Variants in CACNA1I observed in about 807,000 individuals in gnomAD.
The protein encoded by CACNA1I is calcium voltage-gated channel subunit alpha1 I, also known as voltage-dependent T-type calcium channel subunit alpha-1I.
A neutral mutation model predicts 201.6 loss-of-function variants in CACNA1I; 74 were observed. That is an observed-to-expected ratio of 0.37 (90% CI 0.30 to 0.45). CACNA1I has a LOEUF of 0.45. CACNA1I is among the 20% of genes least tolerant of loss of function. CACNA1I has a pLI of 1.00. For missense variants in CACNA1I, 2,346 were observed against 3,138.1 expected (o/e 0.75, Z 6.03); for synonymous variants, 1,431 against 1,345.2 (o/e 1.06, Z -1.40).
chr22:39,673,192 A>C (rs1257207076), intron 28 of CACNA1I, 110 bp downstream of exon 28: 1 of 1,120,850 alleles, frequency 8.9e-7, no homozygotes, highest in Non-Finnish European at 1.3e-6. Context: ...TGGGGGCAGG[A>C]GTTTGCAGGC....
At chr22:39,618,277 C>T (rs1248531107) in intron 3 of CACNA1I, among the ~76,000 whole-genome samples, 2 of 145,342 alleles carry the variant, frequency 1.4e-5, no homozygotes, top group Admixed American at 6.8e-5. Context: ...AAGTGTGTGA[C>T]TGTGTGTGTG....
intron 18 of CACNA1I, 67 bp downstream of exon 18, chr22:39,662,943 A>T (rs1055194174): frequency 9.2e-7 from 1 of 1,086,720 alleles, no homozygotes; most frequent in South Asian, 1.3e-5. Flanking sequence ...GATCTCTGCC[A>T]AGCCAGGCAA....
At chr22:39,631,788 T>C (rs1206403479) in intron 4 of CACNA1I, among the ~76,000 whole-genome samples, 1 of 152,210 alleles carries the variant, frequency 6.6e-6, no homozygotes, top group East Asian at 1.9e-4. Context: ...CTGGCCAACC[T>C]GTCTTGGCTA....
chr22:39,657,130 C>T (rs768494364), intron 10 of CACNA1I, among the ~76,000 whole-genome samples: 2 of 152,224 alleles, frequency 1.3e-5, no homozygotes, highest in South Asian at 2.1e-4. Context: ...AAACCAAACC[C>T]GGACCCCTCC....
rs180850399 is a variant in CACNA1I at position 39,588,651 on chromosome 22, C to T, written c.237-9500C>T. Among the ~76,000 whole-genome samples, 47 of 152,250 alleles carry T rather than the reference C, an allele frequency of 3.1e-4. No individual in the cohort carries two copies. In the East Asian group the frequency reaches 6.0e-3, roughly 19 times the overall value. On this transcript the variant is annotated intron_variant, in intron 1 of 36. Transcript: ENST00000402142. ...CCGCCTGCCTCAGCCTCCCAAAGTG[C>T]TGGGATTACAGGCGTGAGCCACTGC...
chr22:39,638,904 A>C (rs923916652), intron 5 of CACNA1I, among the ~76,000 whole-genome samples: 20 of 152,182 alleles, frequency 1.3e-4, no homozygotes, highest in Non-Finnish European at 2.4e-4. Context: ...GAAGTTCACA[A>C]TAGGGTTCGT....
In CACNA1I at chr22:39,689,380, C is replaced by T. The variant is rs1291079455; in HGVS notation, c.*2975C>T. ...AGAGCCTTCCGCTTCCAGGGCCAAC[C>T]CCAGCCCCGTTTGCTGCGTTGTGTA... On this transcript the variant is annotated 3_prime_UTR_variant, in exon 37 of 37. Coordinates refer to ENST00000402142, the MANE Select transcript of CACNA1I (RefSeq NM_021096.4). 1.3e-5 allele frequency: 2 copies of T among 152,812 alleles called. No individual in the cohort carries two copies. Among genetic ancestry groups the T allele is most frequent in the Non-Finnish European group, 2.9e-5 (2 of 68,128 alleles). 9.5% of individuals were successfully genotyped at this position (152,812 alleles called of 1,614,324 possible). A position where few individuals can be genotyped will look rare whatever the true frequency, so the allele number is the denominator to read the frequency against.
chr22:39,571,246 T>C (rs1932173793), intron 1 of CACNA1I: 4 of 540,308 alleles, frequency 7.4e-6, no homozygotes, highest in Non-Finnish European at 1.3e-5. Context: ...GCTGGCTGGC[T>C]CAGAAAGTCC....
In CACNA1I at chr22:39,684,246, G is replaced by C; in HGVS notation, c.5831-56G>C. On this transcript the variant is annotated intron_variant, in intron 35 of 36. Coordinates refer to ENST00000402142, the MANE Select transcript of CACNA1I (RefSeq NM_021096.4). This position sits in a 1 kb window ranked among gnomAD's most constrained non-coding sequence, Gnocchi z 4.6. ...TTGGTGCTCAATGCCACCTTCCAGGGGCTGCCCCCTGGCCTGAGCGTGCTC... is the reference window on the plus strand; with the variant it reads ...TTGGTGCTCAATGCCACCTTCCAGGCGCTGCCCCCTGGCCTGAGCGTGCTC... 6.6e-7 allele frequency: 1 copy of C among 1,524,162 alleles called. No homozygotes were observed. The highest frequency in any genetic ancestry group is 1.2e-5 in the South Asian group (1 of 86,178). 94.4% of individuals were successfully genotyped at this position (1,524,162 alleles called of 1,614,324 possible).
intron 8 of CACNA1I, 84 bp downstream of exon 8, chr22:39,646,965 G>A: frequency 7.0e-7 from 1 of 1,436,528 alleles, no homozygotes; most frequent in Non-Finnish European, 9.1e-7. Flanking sequence ...AGGCCCAGCA[G>A]CCTCCAAATT....
In CACNA1I at chr22:39,626,377, G is replaced by A. The variant is rs543156490; in HGVS notation, c.580+6970G>A. Among the ~76,000 whole-genome samples the A allele has an allele frequency of 8.7e-4, 132 of 152,326 alleles. 1 individual carries two copies. Among genetic ancestry groups the A allele is most frequent in the African/African-American group, 3.1e-3 (130 of 41,564 alleles). Reference sequence around the variant, plus strand: ...GGTGCTGGGAGTAGTGAGGGTGGACGTAGAGTGTCAGGGACGTCTTCTCAG... The same window carrying A: ...GGTGCTGGGAGTAGTGAGGGTGGACATAGAGTGTCAGGGACGTCTTCTCAG... On this transcript the variant is annotated intron_variant, in intron 4 of 36. Coordinates refer to ENST00000402142, the MANE Select transcript of CACNA1I (RefSeq NM_021096.4).
At chr22:39,602,175 G>A (rs1400439721) in intron 3 of CACNA1I, among the ~76,000 whole-genome samples, 1 of 146,882 alleles carries the variant, frequency 6.8e-6, no homozygotes, top group Admixed American at 6.9e-5. Flanking sequence ...AGGCTCAAAG[G>A]ATCCTCCCAC....
chr22:39,665,711 C>A lies in CACNA1I; in HGVS notation c.3978+87C>A. 6.4e-7 allele frequency: 1 copy of A among 1,563,906 alleles called. No individual in the cohort carries two copies. Among genetic ancestry groups the A allele is most frequent in the Non-Finnish European group, 8.7e-7 (1 of 1,145,636 alleles). ...ACAGCCAGGGGAGAGACTCCACATTCCAACCTCATGCGCCTTGCCAGCTGT... is the reference window on the plus strand; with the variant it reads ...ACAGCCAGGGGAGAGACTCCACATTACAACCTCATGCGCCTTGCCAGCTGT... On this transcript the variant is annotated intron_variant, in intron 22 of 36. Transcript: ENST00000402142. This position sits in a 1 kb window ranked among gnomAD's most constrained non-coding sequence, Gnocchi z 5.5.
chr22:39,664,618 C>A, intron 20 of CACNA1I, 121 bp from the exon 21 acceptor site: 1 of 497,692 alleles, frequency 2.0e-6, no homozygotes, highest in South Asian at 2.0e-5. Flanking sequence ...CTTGCAGGAC[C>A]CCGCCCCCTC....
intron 7 of CACNA1I, among the ~76,000 whole-genome samples, chr22:39,643,244 C>T (rs1329191459): frequency 6.6e-6 from 1 of 152,210 alleles, no homozygotes; most frequent in African/African-American, 2.4e-5. Context: ...CAGAAGGGCT[C>T]CAGCTCATTC....
chr22:39,649,576 C>T lies in CACNA1I; in HGVS notation c.1643C>T (p.Ser548Phe), dbSNP rs868823035. 2 of 1,547,664 alleles carry T rather than the reference C, an allele frequency of 1.3e-6. No individual in the cohort carries two copies. Among genetic ancestry groups the T allele is most frequent in the Non-Finnish European group, 1.7e-6 (2 of 1,145,772 alleles). Residue 548 changes from serine to phenylalanine, a missense_variant, in exon 10 of 37, where the codon TCC becomes TTC. Coordinates refer to ENST00000402142, the MANE Select transcript of CACNA1I (RefSeq NM_021096.4). The surrounding 1 kb of genome is among the most constrained non-coding windows in gnomAD (Gnocchi z 7.3). ...CAGCCCATCCCCGCCACGCTGGCTTCCGATCCCGCCAGCTGCCCTTGCTGC... is the reference window on the plus strand; with the variant it reads ...CAGCCCATCCCCGCCACGCTGGCTTTCGATCCCGCCAGCTGCCCTTGCTGC... ...LVQPIPATLA[S>F]DPASCPCCQH...
At chr22:39,642,615 T>A (rs1168584768) in intron 6 of CACNA1I, among the ~76,000 whole-genome samples, 182 bp from the exon 7 acceptor site, 1 of 152,212 alleles carries the variant, frequency 6.6e-6, no homozygotes, top group African/African-American at 2.4e-5. Context: ...TTCCCCTCAC[T>A]GAGCCTCAGT....
intron 1 of CACNA1I, among the ~76,000 whole-genome samples, chr22:39,596,617 C>T (rs906602198): frequency 3.3e-5 from 5 of 151,080 alleles, no homozygotes; most frequent in African/African-American, 1.2e-4. Flanking sequence ...AAAGTTTGTG[C>T]TGAGAGAGCC....
chr22:39,662,092 A>C lies in CACNA1I; in HGVS notation c.3029A>C (p.Glu1010Ala), dbSNP rs754467442. 3 of 1,529,750 alleles carry C rather than the reference A, an allele frequency of 2.0e-6. No homozygotes were observed. Among genetic ancestry groups the C allele is most frequent in the African/African-American group, 1.4e-5 (1 of 70,130 alleles). 94.8% of individuals were successfully genotyped at this position (1,529,750 alleles called of 1,614,324 possible). The change falls in exon 17 of 37, where the codon GAG becomes GCG. Residue 1010 changes from glutamate (E) to alanine (A), a missense_variant. This residue lies in a region of CACNA1I where 288 missense variants were observed against 255.2 expected (regional missense o/e 1.13). Coordinates refer to ENST00000402142, the MANE Select transcript of CACNA1I (RefSeq NM_021096.4). ...GAGCATGAGTCCCTGCTCTCTGCGG[A>C]GCGCGGCGGCGGCGCCCGGGTCTGC... ...SAEHESLLSA[E>A]RGGGARVCEV...
Sources: gnomAD v4.1 joint callset for allele counts (sites outside exome capture counted in the v4.1 genomes callset) on GRCh38, gnomAD v4.1.1 for gene constraint, gnomAD v4.1.1 regional missense constraint, Gnocchi (gnomAD v3.1) non-coding constraint, MANE v1.5 for transcripts, NCBI Gene and HGNC (gene_info 2026-07-23, HGNC 2026-07-21) for gene names.